PAX5: variants seen among roughly 807,000 people sequenced by gnomAD.
The protein encoded by PAX5 is paired box 5.
PAX5 carries 9 observed loss-of-function variants against 43.7 expected under a neutral mutation model. The ratio of observed to expected loss-of-function variants is 0.21; its 90% CI spans 0.12 to 0.36. The LOEUF (loss-of-function observed/expected upper bound fraction) is 0.36, where lower values mean the gene tolerates loss of function less well. Ranked by LOEUF, PAX5 falls within the 10% of genes least tolerant of loss-of-function variation. The probability of loss-of-function intolerance (pLI) is 1.00; values close to 1 mark genes in which losing one functional copy is unlikely to be tolerated. For missense variants in PAX5, 383 were observed against 532.7 expected (o/e 0.72, Z 2.77); for synonymous variants, 228 against 214.3 (o/e 1.06, Z -0.56).
chr9:37,012,088 G>A (rs553731917), intron 3 of PAX5, among the ~76,000 whole-genome samples: 1 of 152,290 alleles, frequency 6.6e-6, no homozygotes, highest in Non-Finnish European at 1.5e-5. Flanking sequence ...GCAGGAAGGA[G>A]CCAGAGAATA....
intron 6 of PAX5, among the ~76,000 whole-genome samples, chr9:36,927,325 C>T (rs994282762): frequency 1.3e-5 from 2 of 152,128 alleles, no homozygotes; most frequent in South Asian, 2.1e-4. Context: ...GCCTTTACTT[C>T]CCCCAAGAAA....
chr9:36,973,138 A>C (rs200908296), intron 5 of PAX5, among the ~76,000 whole-genome samples: 25,269 of 118,592 alleles, frequency 0.21, 2,963 homozygotes, highest in East Asian at 0.4. Flanking sequence ...AGGAAAGAAA[A>C]GGAAAGGAAA....
chr9:36,973,128 AG>A (rs1835097783), intron 5 of PAX5, among the ~76,000 whole-genome samples: 1 of 79,706 alleles, frequency 1.3e-5, no homozygotes, highest in East Asian at 3.0e-4. Flanking sequence ...AGGAAAGGAA[AG>A]GAAAGAAAAG....
At position 36,914,686 on chromosome 9, in the gene PAX5, G is replaced by T. The variant is rs1436405408; in HGVS notation, c.910+8669C>A. On this transcript the variant is annotated intron_variant, in intron 7 of 9. Coordinates refer to ENST00000358127, the MANE Select transcript of PAX5 (RefSeq NM_016734.3). ...GAGTAAAGGGGCACTGTGAATATAT[G>T]CTATCCCAAGGGGATGCTGGGTGGA... Among the ~76,000 whole-genome samples, 7 of 152,270 alleles carry T rather than the reference G, an allele frequency of 4.6e-5. No homozygotes were observed. The South Asian group carries it at 1.5e-3, about 32-fold the overall frequency.
At chr9:36,995,861 A>T (rs1300277794) in intron 5 of PAX5, among the ~76,000 whole-genome samples, 1 of 151,920 alleles carries the variant, frequency 6.6e-6, no homozygotes, top group South Asian at 2.1e-4. Context: ...CCCACCCTGG[A>T]GGCCTCCACC....
intron 6 of PAX5, among the ~76,000 whole-genome samples, chr9:36,963,965 A>T (rs1353709751): frequency 6.6e-6 from 1 of 152,160 alleles, no homozygotes; most frequent in Non-Finnish European, 1.5e-5. Context: ...CTAAAATTAC[A>T]TGATCTTGTC....
intron 8 of PAX5, among the ~76,000 whole-genome samples, chr9:36,881,356 C>T (rs4295756): frequency 0.91 from 138,355 of 151,846 alleles, 63,068 homozygotes; most frequent in Admixed American, 0.93. Flanking sequence ...CTCGGGTATT[C>T]CTGCTATGCT....
intron 8 of PAX5, among the ~76,000 whole-genome samples, chr9:36,868,423 C>T (rs1825108387): frequency 6.6e-6 from 1 of 152,214 alleles, no homozygotes; most frequent in South Asian, 2.1e-4. Context: ...CTATGGCAGA[C>T]CATGGGCAGT....
At chr9:36,934,893 C>T (rs941132371) in intron 6 of PAX5, among the ~76,000 whole-genome samples, 9 of 152,214 alleles carry the variant, frequency 5.9e-5, no homozygotes, top group Non-Finnish European at 1.3e-4. Flanking sequence ...GACATAAATG[C>T]CTGTGGAATC....
chr9:36,972,539 G>C (rs1342202244), intron 5 of PAX5, among the ~76,000 whole-genome samples: 1 of 152,060 alleles, frequency 6.6e-6, no homozygotes, highest in East Asian at 1.9e-4. Flanking sequence ...GTCTTTATAG[G>C]GGACTCCCTG....
At chr9:36,962,509 G>T (rs1043494846) in intron 6 of PAX5, among the ~76,000 whole-genome samples, 1 of 152,226 alleles carries the variant, frequency 6.6e-6, no homozygotes, top group African/African-American at 2.4e-5. Flanking sequence ...TGAGAGGATG[G>T]ATGTGAACGG....
At chr9:36,885,157 C>G (rs1826805891) in intron 7 of PAX5, among the ~76,000 whole-genome samples, 1 of 152,210 alleles carries the variant, frequency 6.6e-6, no homozygotes, top group African/African-American at 2.4e-5. Context: ...TCCTGAATTG[C>G]TCCAGTGTTC....
intron 8 of PAX5, among the ~76,000 whole-genome samples, chr9:36,864,679 G>A (rs991432745): frequency 1.1e-4 from 16 of 152,174 alleles, no homozygotes; most frequent in Admixed American, 2.6e-4. Flanking sequence ...TGCCTCCTCC[G>A]GCCTGGCCAG....
intron 8 of PAX5, among the ~76,000 whole-genome samples, chr9:36,848,349 T>C (rs112307127): frequency 0.085 from 881 of 10,328 alleles, 5 homozygotes; most frequent in African/African-American, 0.15. Flanking sequence ...GCAGAGCGTG[T>C]CCACACACAC....
At chr9:36,906,215 T>C (rs1490424584) in intron 7 of PAX5, among the ~76,000 whole-genome samples, 1 of 152,204 alleles carries the variant, frequency 6.6e-6, no homozygotes, top group African/African-American at 2.4e-5. Context: ...TGACCTTACA[T>C]GGCAAAAGGG....
rs545224066 is a variant in PAX5 at position 37,009,130 on chromosome 9, TTA to T, written c.411-2595_411-2594del. Reference sequence around the variant, plus strand: ...TTTGTATGTAAAAAAGCAAAGAAAATTATGTTTTCCTCATTTTCTTTTAAAAT... The same window carrying T: ...TTTGTATGTAAAAAAGCAAAGAAAATTGTTTTCCTCATTTTCTTTTAAAAT... On this transcript the variant is annotated intron_variant, in intron 3 of 9. Coordinates refer to ENST00000358127, the MANE Select transcript of PAX5 (RefSeq NM_016734.3). Among the ~76,000 whole-genome samples the T allele has an allele frequency of 4.7e-4, 71 of 152,352 alleles. No individual in the cohort carries two copies. The South Asian group carries it at 0.014, about 31-fold the overall frequency.
At chr9:36,855,764 C>T (rs1284462706) in intron 8 of PAX5, among the ~76,000 whole-genome samples, 6 of 152,234 alleles carry the variant, frequency 3.9e-5, no homozygotes, top group African/African-American at 1.4e-4. Flanking sequence ...AGGCCAACCA[C>T]ACCACCAGTT....
At chr9:37,002,480 C>T (rs1564064073) in intron 5 of PAX5, among the ~76,000 whole-genome samples, 168 bp downstream of exon 5, 1 of 152,250 alleles carries the variant, frequency 6.6e-6, no homozygotes, top group Non-Finnish European at 1.5e-5. Flanking sequence ...TTGCGGAGGG[C>T]TCAGCCCTTT....
At chr9:37,021,585 T>C (rs1839859190) in intron 1 of PAX5, among the ~76,000 whole-genome samples, 1 of 152,114 alleles carries the variant, frequency 6.6e-6, no homozygotes, top group Admixed American at 6.5e-5. Flanking sequence ...CCAGGGAAAA[T>C]AAAGAAACCT....
Sources: gnomAD v4.1 joint callset for allele counts (sites outside exome capture counted in the v4.1 genomes callset) on GRCh38, gnomAD v4.1.1 for gene constraint, MANE v1.5 for transcripts, NCBI Gene and HGNC (gene_info 2026-07-23, HGNC 2026-07-21) for gene names.